Variants in MLNR observed in about 807,000 individuals in gnomAD.
MLNR encodes the protein motilin receptor.
A neutral mutation model predicts 20.0 loss-of-function variants in MLNR; 16 were observed. The observed-to-expected ratio is 0.80, with a 90% CI of 0.54 to 1.22. The LOEUF (loss-of-function observed/expected upper bound fraction) is 1.22, where lower values mean the gene tolerates loss of function less well. Ranked by LOEUF, MLNR falls within the 50% of genes most tolerant of loss-of-function variation. The probability of loss-of-function intolerance (pLI) is 0.00; values close to 1 mark genes in which losing one functional copy is unlikely to be tolerated. For synonymous variants in MLNR, 302 were observed against 287.2 expected (o/e 1.05, Z -0.52); for missense variants, 630 against 592.3 (o/e 1.06, Z -0.66).
At chr13:49,221,536 A>G (rs1887012578) in intron 1 of MLNR, 2 of 498,792 alleles carry the variant, frequency 4.0e-6, no homozygotes, top group Non-Finnish European at 7.1e-6. Context: ...GAGAGTTGGT[A>G]ATTCTTAATC....
intron 1 of MLNR, 118 bp downstream of exon 1, chr13:49,221,356 C>T: frequency 9.0e-7 from 1 of 1,105,356 alleles, no homozygotes; most frequent in South Asian, 1.4e-5. Context: ...CTTCCAGCTC[C>T]CTTTCCTATT....
chr13:49,220,691 C>A lies in MLNR; in HGVS notation c.354C>A (p.Gly118=). Residue 118 remains glycine, a synonymous_variant, in exon 1 of 2, where the codon GGC becomes GGA. Transcript: ENST00000218721. This position sits in a 1 kb window ranked among gnomAD's most constrained non-coding sequence, Gnocchi z 4.4. ...TCTGCCGCCTGTCCCTCTACGTGGGCGAGGGCTGCACCTACGCCACGCTGC... is the reference window on the plus strand; with the variant it reads ...TCTGCCGCCTGTCCCTCTACGTGGGAGAGGGCTGCACCTACGCCACGCTGC... ...PLLCRLSLYV[G]EGCTYATLLH... 2 of 1,600,582 alleles carry A rather than the reference C, an allele frequency of 1.2e-6. No individual in the cohort carries two copies. The highest frequency in any genetic ancestry group is 1.1e-5 in the South Asian group (1 of 89,538).
chr13:49,221,601 C>G (rs1887013405), intron 1 of MLNR, among the ~76,000 whole-genome samples: 1 of 152,148 alleles, frequency 6.6e-6, no homozygotes. Context: ...CTTGAGAAGA[C>G]GAGGGAGATT....
rs150012357 is a variant in MLNR at position 49,222,170 on chromosome 13, C to T, written c.1032C>T (p.Phe344=). ...TTAACATCGTCGCTCTGCAACTTTT[C>T]TATCTGAGCGCATCTATCAACCCAA... ...QYFNIVALQL[F]YLSASINPIL... is the part of the protein sequence containing the mutation. The change falls in exon 2 of 2, where the codon TTC becomes TTT. Residue 344 remains phenylalanine (F), a synonymous_variant. Coordinates refer to ENST00000218721, the MANE Select transcript of MLNR (RefSeq NM_001507.1). 2.5e-6 allele frequency: 4 copies of T among 1,614,006 alleles called. No homozygotes were observed. The African/African-American group carries it at 4.0e-5, about 16-fold the overall frequency.
In MLNR at chr13:49,220,799, C is replaced by T. The variant is rs202218861; in HGVS notation, c.462C>T (p.Arg154=). 2.6e-6 allele frequency: 4 copies of T among 1,567,320 alleles called. No homozygotes were observed. Among genetic ancestry groups the T allele is most frequent in the East Asian group, 4.8e-5 (2 of 41,928 alleles). The change falls in exon 1 of 2, where the codon CGC becomes CGT. Residue 154 remains arginine (R), a synonymous_variant. Transcript: ENST00000218721. This position sits in a 1 kb window ranked among gnomAD's most constrained non-coding sequence, Gnocchi z 4.4. ...LRARVLVTRR[R]VRALIAVLWA... Reference sequence around the variant, plus strand: ...CCCGCGTCTTGGTCACCCGGCGCCGCGTCCGCGCGCTCATCGCTGTGCTCT... The same window carrying T: ...CCCGCGTCTTGGTCACCCGGCGCCGTGTCCGCGCGCTCATCGCTGTGCTCT...
At position 49,220,996 on chromosome 13, in the gene MLNR, CG is replaced by C; in HGVS notation, c.663del (p.Glu223ArgfsTer86). On this transcript the variant is annotated frameshift_variant, in exon 1 of 2. Coordinates refer to ENST00000218721, the MANE Select transcript of MLNR (RefSeq NM_001507.1). LOFTEE classifies it high-confidence loss of function. The surrounding 1 kb of genome is among the most constrained non-coding windows in gnomAD (Gnocchi z 4.4). Reference sequence around the variant, plus strand: ...CGGGCGCCACCGCCGTCCCCGCCGTCGGGGCCCGAGACCGCGGAGGCCGCGG... The same window carrying C: ...CGGGCGCCACCGCCGTCCCCGCCGTCGGGCCCGAGACCGCGGAGGCCGCGG... The part of the protein sequence containing the change: ...LSRAPPPSPP[S>X]GPETAEAAAL... The C allele has an allele frequency of 6.6e-7, 1 of 1,522,756 alleles. No homozygotes were observed. The highest frequency in any genetic ancestry group is 8.7e-7 in the Non-Finnish European group (1 of 1,146,126). 94.3% of individuals were successfully genotyped at this position (1,522,756 alleles called of 1,614,324 possible). A position where few individuals can be genotyped will look rare whatever the true frequency, so the allele number is the denominator to read the frequency against.
intron 1 of MLNR, 167 bp downstream of exon 1, chr13:49,221,405 C>T (rs943953828): frequency 2.7e-6 from 2 of 741,080 alleles, no homozygotes; most frequent in South Asian, 1.7e-5. Flanking sequence ...TCCCATCCCC[C>T]GAGAAAACCA....
At position 49,220,819 on chromosome 13, in the gene MLNR, TGCTCTGG is replaced by T; in HGVS notation, c.485_491del (p.Leu162ProfsTer24). On this transcript the variant is annotated frameshift_variant, in exon 1 of 2. Transcript: ENST00000218721. LOFTEE classifies it high-confidence loss of function. This position sits in a 1 kb window ranked among gnomAD's most constrained non-coding sequence, Gnocchi z 4.4. ...CGCCGCGTCCGCGCGCTCATCGCTG[TGCTCTGG>T]GCCGTGGCGCTGCTCTCTGCCGGTC... The T allele has an allele frequency of 6.4e-7, 1 of 1,567,376 alleles. No homozygotes were observed. The highest frequency in any genetic ancestry group is 1.4e-5 in the African/African-American group (1 of 73,142).
At position 49,220,589 on chromosome 13, in the gene MLNR, C is replaced by T; in HGVS notation, c.252C>T (p.Asp84=). Residue 84 remains aspartate, a synonymous_variant, in exon 1 of 2, where the codon GAC becomes GAT. Transcript: ENST00000218721. This position sits in a 1 kb window ranked among gnomAD's most constrained non-coding sequence, Gnocchi z 4.4. ...ACCTGGGCAGCATGGCCGTGTCCGA[C>T]CTACTCATCCTGCTCGGGCTGCCGT... ...NLYLGSMAVS[D]LLILLGLPFD... 1.9e-6 allele frequency: 3 copies of T among 1,613,290 alleles called. No individual in the cohort carries two copies. The highest frequency in any genetic ancestry group is 2.5e-6 in the Non-Finnish European group (3 of 1,179,692).
In MLNR at chr13:49,222,234, G is replaced by A; in HGVS notation, c.1096G>A (p.Ala366Thr). ...NLISKKYRAA[A>T]FKLLLARKSR... The stretch of plus-strand genomic sequence containing the variant: ...CATTTCAAAGAAGTACAGAGCGGCG[G>A]CCTTTAAACTGCTGCTCGCAAGGAA... Residue 366 changes from alanine to threonine, a missense_variant, in exon 2 of 2, where the codon GCC becomes ACC. Ala to Thr is a moderately conservative substitution (Grantham distance 58). Transcript: ENST00000218721. 2 of 1,614,006 alleles carry A rather than the reference G, an allele frequency of 1.2e-6. No individual in the cohort carries two copies. Among genetic ancestry groups the A allele is most frequent in the Non-Finnish European group, 1.7e-6 (2 of 1,180,002 alleles).
chr13:49,221,306 G>C, intron 1 of MLNR, 68 bp downstream of exon 1: 2 of 1,490,132 alleles, frequency 1.3e-6, no homozygotes, highest in South Asian at 1.2e-5. Context: ...CCGCGCAAAC[G>C]CTGGGTCCCC....
Position 49,220,567 on chromosome 13 carries a change from T to G in MLNR, c.230T>G (p.Leu77Arg), listed in dbSNP as rs1314152897. Residue 77 changes from leucine (L) to arginine (R), a missense_variant, in exon 1 of 2, where the codon CTG becomes CGG. Transcript: ENST00000218721. This position sits in a 1 kb window ranked among gnomAD's most constrained non-coding sequence, Gnocchi z 4.4. ...RDMRTTTNLY[L>R]GSMAVSDLLI... ...ATGCGGACCACCACCAACTTGTACC[T>G]GGGCAGCATGGCCGTGTCCGACCTA... is the stretch of plus-strand genomic sequence containing the variant. 2 of 1,613,220 alleles carry G rather than the reference T, an allele frequency of 1.2e-6. No homozygotes were observed. The highest frequency in any genetic ancestry group is 1.7e-6 in the Non-Finnish European group (2 of 1,179,700).
At chr13:49,221,422 G>A (rs1481962119) in intron 1 of MLNR, 184 bp downstream of exon 1, 1 of 659,538 alleles carries the variant, frequency 1.5e-6, no homozygotes, top group African/African-American at 1.9e-5. Context: ...ACCATGTCCT[G>A]TCCCCCAGGA....
chr13:49,221,423 T>G, intron 1 of MLNR, 185 bp downstream of exon 1: 1 of 651,196 alleles, frequency 1.5e-6, no homozygotes, highest in Non-Finnish European at 2.6e-6. Context: ...CCATGTCCTG[T>G]CCCCCAGGAG....
rs938932222 is a variant in MLNR at position 49,220,984 on chromosome 13, C to G, written c.647C>G (p.Pro216Arg). 8 of 1,497,904 alleles carry G rather than the reference C, an allele frequency of 5.3e-6. No homozygotes were observed. The highest frequency in any genetic ancestry group is 2.9e-5 in the African/African-American group (2 of 68,984). The allele number at this position is 1,497,904 out of a possible 1,614,324, so 92.8% of individuals were successfully genotyped here. ...CTCTGGCTCTCGCGGGCGCCACCGCCGTCCCCGCCGTCGGGGCCCGAGACC... is the reference window on the plus strand; with the variant it reads ...CTCTGGCTCTCGCGGGCGCCACCGCGGTCCCCGCCGTCGGGGCCCGAGACC... ...PPLWLSRAPP[P>R]SPPSGPETAE... Residue 216 changes from proline (P) to arginine (R), a missense_variant, in exon 1 of 2, where the codon CCG (proline) becomes CGG (arginine). By Grantham distance (103) the Pro-to-Arg change is moderately radical. Transcript: ENST00000218721. The surrounding 1 kb of genome is among the most constrained non-coding windows in gnomAD (Gnocchi z 4.4).
Position 49,221,107 on chromosome 13 carries a change from T to G in MLNR, c.770T>G (p.Phe257Cys), listed in dbSNP as rs202093803. Residue 257 changes from phenylalanine (F) to cysteine (C), a missense_variant, in exon 1 of 2, where the codon TTC becomes TGC. Physicochemically the swap from Phe to Cys is radical, Grantham distance 205. Coordinates refer to ENST00000218721, the MANE Select transcript of MLNR (RefSeq NM_001507.1). ...VMLWVTTAYF[F>C]LPFLCLSILY... ...CTGTGGGTCACCACCGCCTACTTCTTCCTGCCCTTTCTGTGCCTCAGCATC... is the reference window on the plus strand; with the variant it reads ...CTGTGGGTCACCACCGCCTACTTCTGCCTGCCCTTTCTGTGCCTCAGCATC... 225 of 1,591,666 alleles carry G rather than the reference T, an allele frequency of 1.4e-4. No homozygotes were observed. In the South Asian group the frequency reaches 2.4e-3, roughly 17 times the overall value.
rs1179203989 is a variant in MLNR, at chr13:49,220,372, A to AG, written c.40dup (p.Ala14GlyfsTer324). The AG allele has an allele frequency of 1.9e-5, 28 of 1,443,404 alleles. No individual in the cohort carries two copies. The highest frequency in any genetic ancestry group is 2.4e-5 in the Non-Finnish European group (27 of 1,107,268). 89.4% of individuals were successfully genotyped at this position (1,443,404 alleles called of 1,614,324 possible). Reference sequence around the variant, plus strand: ...CCCTGGAACGGCAGCGACGGCCCCGAGGGGGCGCGGGAGCCGCCGTGGCCC... The same window carrying AG: ...CCCTGGAACGGCAGCGACGGCCCCGAGGGGGGCGCGGGAGCCGCCGTGGCCC... On this transcript the variant is annotated frameshift_variant, in exon 1 of 2. Transcript: ENST00000218721. LOFTEE classifies it high-confidence loss of function. This position sits in a 1 kb window ranked among gnomAD's most constrained non-coding sequence, Gnocchi z 4.4.
In MLNR at chr13:49,220,436, T is replaced by A; in HGVS notation, c.99T>A (p.Phe33Leu). ...PPCDERRCSP[F>L]PLGALVPVTA... is the part of the protein sequence containing the mutation. ...GCGACGAGCGCCGCTGCTCGCCCTT[T>A]CCCCTGGGGGCGCTGGTGCCGGTGA... is the stretch of plus-strand genomic sequence containing the variant. Residue 33 changes from phenylalanine to leucine, a missense_variant, in exon 1 of 2, where the codon TTT becomes TTA. By Grantham distance (22) the Phe-to-Leu change is conservative. Transcript: ENST00000218721. This position sits in a 1 kb window ranked among gnomAD's most constrained non-coding sequence, Gnocchi z 4.4. 6.5e-7 allele frequency: 1 copy of A among 1,544,854 alleles called. No homozygotes were observed.
Position 49,220,511 on chromosome 13 carries a change from G to C in MLNR, c.174G>C (p.Val58=). 1.2e-5 allele frequency: 19 copies of C among 1,604,920 alleles called. No individual in the cohort carries two copies. The highest frequency in any genetic ancestry group is 1.5e-5 in the Non-Finnish European group (18 of 1,176,204). The change falls in exon 1 of 2, where the codon GTG becomes GTC. Residue 58 remains valine (V), a synonymous_variant. Transcript: ENST00000218721. This position sits in a 1 kb window ranked among gnomAD's most constrained non-coding sequence, Gnocchi z 4.4. ...LFVVGVSGNV[V]TVMLIGRYRD... ...TCGTCGGGGTGAGCGGCAACGTGGTGACCGTGATGCTGATCGGGCGCTACC... is the reference window on the plus strand; with the variant it reads ...TCGTCGGGGTGAGCGGCAACGTGGTCACCGTGATGCTGATCGGGCGCTACC...
Sources: gnomAD v4.1 joint callset for allele counts (sites outside exome capture counted in the v4.1 genomes callset) on GRCh38, gnomAD v4.1.1 for gene constraint, Gnocchi (gnomAD v3.1) non-coding constraint, MANE v1.5 for transcripts, NCBI Gene and HGNC (gene_info 2026-07-23, HGNC 2026-07-21) for gene names.